OSBP2: variants seen among roughly 807,000 people sequenced by gnomAD.
The protein encoded by OSBP2 is oxysterol binding protein 2, also known as oxysterol-binding protein 2.
A neutral mutation model predicts 96.0 loss-of-function variants in OSBP2; 66 were observed. The observed-to-expected ratio is 0.69, with a 90% CI of 0.56 to 0.84. The LOEUF is 0.84. Ranked by LOEUF, OSBP2 falls within the 40% of genes least tolerant of loss-of-function variation. OSBP2 has a pLI of 0.00. For synonymous variants in OSBP2, 525 were observed against 520.9 expected, an observed-to-expected ratio of 1.01 and a Z score of -0.11; for missense variants, 1,038 against 1,222.7, an observed-to-expected ratio of 0.85 and a Z score of 2.25.
At chr22:30,902,213 A>ATC (rs929462543) in intron 12 of OSBP2, 2 of 1,349,708 alleles carry the variant, frequency 1.5e-6, no homozygotes, top group African/African-American at 2.9e-5. Context: ...AGTCGCTCAC[A>ATC]GAGCCCCACA....
Position 30,789,546 on chromosome 22 carries a change from G to C in OSBP2, c.853+48177G>C, listed in dbSNP as rs114125585. 4.2e-3 allele frequency among the ~76,000 whole-genome samples: 634 copies of C among 152,278 alleles called. 3 individuals carry two copies. The highest frequency in any genetic ancestry group is 0.02 in the Middle Eastern group (6 of 294). ...CCCATAAACTCAGATACTTGTAAAAGAGAAGTTAACTTACAGAGCATATAA... is the reference window on the plus strand; with the variant it reads ...CCCATAAACTCAGATACTTGTAAAACAGAAGTTAACTTACAGAGCATATAA... On this transcript the variant is annotated intron_variant, in intron 2 of 13. Transcript: ENST00000332585.
intron 2 of OSBP2, among the ~76,000 whole-genome samples, chr22:30,791,789 G>T (rs1030286425): frequency 1.3e-5 from 2 of 152,138 alleles, no homozygotes; most frequent in African/African-American, 4.8e-5. Flanking sequence ...AGATAGGAAG[G>T]TCATCATCAT....
intron 2 of OSBP2, chr22:30,822,847 C>A: frequency 1.4e-6 from 1 of 710,038 alleles, no homozygotes; most frequent in Non-Finnish European, 2.1e-6. Context: ...CGCGGGGAGC[C>A]TCGGGGAACC....
chr22:30,790,653 T>TAAAAAA (rs136297), intron 2 of OSBP2, among the ~76,000 whole-genome samples: 1 of 136,972 alleles, frequency 7.3e-6, no homozygotes. Flanking sequence ...CAAACTGCAT[T>TAAAAAA]AAAAAAAAAA....
chr22:30,822,887 C>T (rs2038312891), intron 2 of OSBP2, among the ~76,000 whole-genome samples: 1 of 152,302 alleles, frequency 6.6e-6, no homozygotes, highest in Admixed American at 6.5e-5. Flanking sequence ...GGCGTGCGCT[C>T]CCGGCTTGCT....
chr22:30,799,028 AAG>A (rs1450588183), intron 2 of OSBP2, among the ~76,000 whole-genome samples: 1 of 151,714 alleles, frequency 6.6e-6, no homozygotes, highest in Non-Finnish European at 1.5e-5. Context: ...AAAAAAAAAA[AAG>A]AAATTATTTG....
chr22:30,858,737 G>C (rs2039139504), intron 2 of OSBP2, among the ~76,000 whole-genome samples: 1 of 151,582 alleles, frequency 6.6e-6, no homozygotes, highest in African/African-American at 2.4e-5. Context: ...AAATTAGCCA[G>C]GTGTGGTGGT....
intron 12 of OSBP2, chr22:30,894,310 T>C (rs1310299732): frequency 9.6e-6 from 3 of 312,770 alleles, no homozygotes; most frequent in Non-Finnish European, 1.8e-5. Context: ...AAATGTGGCA[T>C]AGGAAAGTCC....
chr22:30,763,678 A>C (rs1300792644), intron 2 of OSBP2, among the ~76,000 whole-genome samples: 1 of 151,414 alleles, frequency 6.6e-6, no homozygotes, highest in African/African-American at 2.4e-5. Context: ...GTTTAATTTG[A>C]GCTTCAAATA....
At chr22:30,789,099 A>G (rs1237947939) in intron 2 of OSBP2, among the ~76,000 whole-genome samples, 1 of 152,230 alleles carries the variant, frequency 6.6e-6, no homozygotes, top group East Asian at 1.9e-4. Flanking sequence ...GCCCATTTAT[A>G]GTATGTCTGG....
chr22:30,737,260 G>A (rs1232889978), intron 1 of OSBP2, among the ~76,000 whole-genome samples: 1 of 150,556 alleles, frequency 6.6e-6, no homozygotes, highest in African/African-American at 2.5e-5. Flanking sequence ...AGGTGATCCT[G>A]CAGCCTCGGC....
At chr22:30,695,626 C>T (rs2089015442) in intron 1 of OSBP2, 73 bp downstream of exon 1, 1 of 1,536,854 alleles carries the variant, frequency 6.5e-7, no homozygotes, top group Non-Finnish European at 8.7e-7. Flanking sequence ...GGAGGGCCTC[C>T]ATGGTTGGCG....
In OSBP2 at chr22:30,778,547, A is replaced by G. The variant is rs144338787; in HGVS notation, c.853+37178A>G. ...TGTTATAACACCCACTGCCATGTCC[A>G]TGCTTGGAGCTCCCTTTTGTTGGTA... On this transcript the variant is annotated intron_variant, in intron 2 of 13. Transcript: ENST00000332585. 1.3e-3 allele frequency among the ~76,000 whole-genome samples: 205 copies of G among 152,258 alleles called. 1 individual carries two copies. Among genetic ancestry groups the G allele is most frequent in the African/African-American group, 4.8e-3 (199 of 41,538 alleles).
At chr22:30,725,481 G>A (rs1242184471) in intron 1 of OSBP2, among the ~76,000 whole-genome samples, 4 of 151,284 alleles carry the variant, frequency 2.6e-5, no homozygotes, top group African/African-American at 4.9e-5. Context: ...ACTGCACTTC[G>A]GCCTGGGAGA....
intron 2 of OSBP2, among the ~76,000 whole-genome samples, chr22:30,778,188 T>TTTTTTTTTTTTTTTTTTTTG: frequency 6.8e-6 from 1 of 146,012 alleles, no homozygotes; most frequent in Non-Finnish European, 1.5e-5. Flanking sequence ...TTTTTTTTTT[T>TTTTTTTTTTTTTTTTTTTTG]TTAGTAGAGA....
chr22:30,867,395 T>G (rs576140728), intron 2 of OSBP2, among the ~76,000 whole-genome samples: 81 of 152,272 alleles, frequency 5.3e-4, no homozygotes, highest in African/African-American at 1.9e-3. Context: ...AAACCCTGCC[T>G]TCTCATGTGT....
Position 30,870,745 on chromosome 22 carries a change from G to A in OSBP2, c.1107+63G>A, listed in dbSNP as rs1333685717. On this transcript the variant is annotated intron_variant, in intron 3 of 13. Coordinates refer to ENST00000332585, the MANE Select transcript of OSBP2 (RefSeq NM_030758.4). The surrounding 1 kb of genome is among the most constrained non-coding windows in gnomAD (Gnocchi z 4.1). Reference sequence around the variant, plus strand: ...CTGGCTCCAGCCCCGGGGTCCCTCGGTGGGTGACCAGGGTCAGCTTGAAGG... The same window carrying A: ...CTGGCTCCAGCCCCGGGGTCCCTCGATGGGTGACCAGGGTCAGCTTGAAGG... 4 of 1,559,976 alleles carry A rather than the reference G, an allele frequency of 2.6e-6. No homozygotes were observed. Among genetic ancestry groups the A allele is most frequent in the South Asian group, 2.3e-5 (2 of 86,340 alleles).
intron 2 of OSBP2, among the ~76,000 whole-genome samples, chr22:30,781,178 C>T (rs2090514501): frequency 6.8e-6 from 1 of 147,768 alleles, no homozygotes; most frequent in Admixed American, 6.8e-5. Flanking sequence ...GATGGGGTTT[C>T]ACCATGTTGT....
intron 1 of OSBP2, among the ~76,000 whole-genome samples, chr22:30,738,483 G>A (rs1035450152): frequency 1.3e-5 from 2 of 152,028 alleles, no homozygotes; most frequent in Admixed American, 6.6e-5. Context: ...TCAGCTACAC[G>A]TCATCTTCTC....
Sources: gnomAD v4.1 joint callset for allele counts (sites outside exome capture counted in the v4.1 genomes callset) on GRCh38, gnomAD v4.1.1 for gene constraint, Gnocchi (gnomAD v3.1) non-coding constraint, MANE v1.5 for transcripts, NCBI Gene and HGNC (gene_info 2026-07-23, HGNC 2026-07-21) for gene names.